MS4A4A: variants seen among roughly 807,000 people sequenced by gnomAD.
The protein encoded by MS4A4A is membrane spanning 4-domains A4A.
A neutral mutation model predicts 28.0 loss-of-function variants in MS4A4A; 26 were observed. That is an observed-to-expected ratio of 0.93 (90% CI 0.68 to 1.29). MS4A4A has a LOEUF of 1.29. MS4A4A is among the 50% of genes most tolerant of loss of function. MS4A4A has a pLI of 0.00. For synonymous variants in MS4A4A, 86 were observed against 100.8 expected, an observed-to-expected ratio of 0.85 and a Z score of 0.88; for missense variants, 290 against 293.1, an observed-to-expected ratio of 0.99 and a Z score of 0.08.
chr11:60,285,159 C>T (rs1227726604), intron 1 of MS4A4A, among the ~76,000 whole-genome samples: 1 of 152,024 alleles, frequency 6.6e-6, no homozygotes, highest in Non-Finnish European at 1.5e-5. Context: ...CTGCAAGTGT[C>T]CTTTCTTGGT....
At chr11:60,281,716 C>G (rs1166722652) in intron 1 of MS4A4A, among the ~76,000 whole-genome samples, 1 of 152,150 alleles carries the variant, frequency 6.6e-6, no homozygotes, top group East Asian at 1.9e-4. Flanking sequence ...AAATAAGAGA[C>G]TGGTGGTGCT....
At chr11:60,292,984 G>A (rs1390156656) in intron 2 of MS4A4A, among the ~76,000 whole-genome samples, 1 of 152,128 alleles carries the variant, frequency 6.6e-6, no homozygotes, top group African/African-American at 2.4e-5. Context: ...ATTTTCTGGA[G>A]GGGGGGAAAT....
At chr11:60,282,951 T>A (rs2084768412) in intron 1 of MS4A4A, among the ~76,000 whole-genome samples, 1 of 152,192 alleles carries the variant, frequency 6.6e-6, no homozygotes, top group South Asian at 2.1e-4. Context: ...ATTCAGAGGC[T>A]ATAATGAATA....
chr11:60,289,035 C>A (rs1322445870), intron 1 of MS4A4A, among the ~76,000 whole-genome samples: 1 of 152,148 alleles, frequency 6.6e-6, no homozygotes, highest in Non-Finnish European at 1.5e-5. Flanking sequence ...AGAGAGTAGA[C>A]AGCAGCAGTT....
chr11:60,298,068 TTAA>T (rs1335008004), intron 3 of MS4A4A, among the ~76,000 whole-genome samples: 8 of 150,750 alleles, frequency 5.3e-5, no homozygotes, highest in African/African-American at 1.5e-4. Flanking sequence ...ATAACTATTA[TTAA>T]TATTACATTA....
At chr11:60,284,439 A>G (rs2084785713) in intron 1 of MS4A4A, among the ~76,000 whole-genome samples, 1 of 152,186 alleles carries the variant, frequency 6.6e-6, no homozygotes, top group South Asian at 2.1e-4. Flanking sequence ...CCCTGCTCCA[A>G]CCTTCTCCGG....
At chr11:60,282,709 G>T (rs774875366) in intron 1 of MS4A4A, 1 of 1,278,238 alleles carries the variant, frequency 7.8e-7, no homozygotes, top group South Asian at 1.3e-5. Flanking sequence ...TATACTTGGA[G>T]CTTTAAAAAT....
In MS4A4A at chr11:60,308,361, C is replaced by T. The variant is rs1249165884; in HGVS notation, c.*183C>T. On this transcript the variant is annotated 3_prime_UTR_variant, in exon 7 of 7. Transcript: ENST00000337908. Reference sequence around the variant, plus strand: ...GAGATAATAAATTCAAAATTATGTTCTCATTTTTTTCCCTGGAACTCAATA... The same window carrying T: ...GAGATAATAAATTCAAAATTATGTTTTCATTTTTTTCCCTGGAACTCAATA... 2 of 530,646 alleles carry T rather than the reference C, an allele frequency of 3.8e-6. No homozygotes were observed. Among genetic ancestry groups the T allele is most frequent in the Non-Finnish European group, 6.4e-6 (2 of 310,706 alleles). The allele number at this position is 530,646 out of a possible 1,614,324, so 32.9% of individuals were successfully genotyped here.
In MS4A4A at chr11:60,295,889, C is replaced by G. The variant is rs201093991; in HGVS notation, c.202-1308C>G. Reference sequence around the variant, plus strand: ...TTGATGCATTGTTAGATTTAGTTTGCAGATATTTTGTTGAGGATTTTTGCA... The same window carrying G: ...TTGATGCATTGTTAGATTTAGTTTGGAGATATTTTGTTGAGGATTTTTGCA... On this transcript the variant is annotated intron_variant, in intron 2 of 6. Transcript: ENST00000337908. Among the ~76,000 whole-genome samples, 6 of 152,120 alleles carry G rather than the reference C, an allele frequency of 3.9e-5. No homozygotes were observed. The East Asian group carries it at 1.2e-3, about 29-fold the overall frequency.
intron 1 of MS4A4A, among the ~76,000 whole-genome samples, chr11:60,285,274 C>A (rs1014313217): frequency 6.6e-6 from 1 of 152,012 alleles, no homozygotes; most frequent in African/African-American, 2.4e-5. Flanking sequence ...GATGCTGAGA[C>A]GGGAAGATCA....
At chr11:60,301,132 A>T in intron 4 of MS4A4A, 75 bp downstream of exon 4, 1 of 1,188,452 alleles carries the variant, frequency 8.4e-7, no homozygotes, top group Middle Eastern at 2.5e-4. Context: ...AGGGTGTAAA[A>T]CAGGTTTTGT....
chr11:60,290,809 T>C (rs2084848804), intron 1 of MS4A4A, among the ~76,000 whole-genome samples: 1 of 152,170 alleles, frequency 6.6e-6, no homozygotes, highest in Non-Finnish European at 1.5e-5. Flanking sequence ...AGATAGCTAA[T>C]AATTTATTTC....
chr11:60,306,335 A>C, intron 6 of MS4A4A, 134 bp downstream of exon 6: 1 of 746,810 alleles, frequency 1.3e-6, no homozygotes, highest in Non-Finnish European at 2.2e-6. Context: ...GTCTGAGCCC[A>C]GCTGAAGTAT....
chr11:60,282,738 A>T (rs1372850690), intron 1 of MS4A4A: 8 of 1,269,644 alleles, frequency 6.3e-6, no homozygotes, highest in Non-Finnish European at 7.1e-6. Context: ...GAGAGATTCG[A>T]GGTAAGACTA....
chr11:60,302,367 C>T (rs1234665693), intron 4 of MS4A4A, among the ~76,000 whole-genome samples, 192 bp from the exon 5 acceptor site: 3 of 152,044 alleles, frequency 2.0e-5, no homozygotes, highest in African/African-American at 2.4e-5. Context: ...ATTGAAGCTG[C>T]GGAATAATGA....
At position 60,301,964 on chromosome 11, in the gene MS4A4A, G is replaced by A. The variant is rs534645181; in HGVS notation, c.388-595G>A. ...CCAGCTAATTTTTGTATTTTTAGTA[G>A]AGATAGGGTTTCTCCATGTTGGTCA... On this transcript the variant is annotated intron_variant, in intron 4 of 6. Coordinates refer to ENST00000337908, the MANE Select transcript of MS4A4A (RefSeq NM_148975.3). Among the ~76,000 whole-genome samples the A allele has an allele frequency of 5.3e-5, 8 of 152,224 alleles. No individual in the cohort carries two copies. The South Asian group carries it at 6.2e-4, about 12-fold the overall frequency.
At position 60,292,362 on chromosome 11, in the gene MS4A4A, A is replaced by T; in HGVS notation, c.179A>T (p.Lys60Met). The T allele has an allele frequency of 6.2e-7, 1 of 1,601,506 alleles. No individual in the cohort carries two copies. Among genetic ancestry groups the T allele is most frequent in the Admixed American group, 1.7e-5 (1 of 57,828 alleles). Residue 60 changes from lysine to methionine, a missense_variant, in exon 2 of 7, where the codon AAG becomes ATG. Lys to Met is a moderately conservative substitution (Grantham distance 95). Transcript: ENST00000337908. Reference sequence around the variant, plus strand: ...AAAGGATTGCAAGAGAAGTTCTTGAAGGGAGAACCCAAAGTCCTTGGGGTA... The same window carrying T: ...AAAGGATTGCAAGAGAAGTTCTTGATGGGAGAACCCAAAGTCCTTGGGGTA... The part of the protein sequence containing the change: ...LWKGLQEKFL[K>M]GEPKVLGVVQ...
At chr11:60,299,859 TA>T (rs2084937056) in intron 3 of MS4A4A, among the ~76,000 whole-genome samples, 1 of 152,106 alleles carries the variant, frequency 6.6e-6, no homozygotes, top group East Asian at 1.9e-4. Flanking sequence ...TGAATAGCAA[TA>T]AGCATGTAAT....
rs192799758 is a variant in MS4A4A, at chr11:60,284,852, C to T, written c.41+4136C>T. ...TTTTGTCTTAAATTTAATTTGTACT[C>T]GCAAATTTTGTTAAACATCAGAGAA... On this transcript the variant is annotated intron_variant, in intron 1 of 6. Coordinates refer to ENST00000337908, the MANE Select transcript of MS4A4A (RefSeq NM_148975.3). Among the ~76,000 whole-genome samples the T allele has an allele frequency of 6.8e-3, 1,039 of 152,180 alleles. 6 individuals carry two copies. Among genetic ancestry groups the T allele is most frequent in the Non-Finnish European group, 9.4e-3 (638 of 68,012 alleles).
Sources: gnomAD v4.1 joint callset for allele counts (sites outside exome capture counted in the v4.1 genomes callset) on GRCh38, gnomAD v4.1.1 for gene constraint, MANE v1.5 for transcripts, NCBI Gene and HGNC (gene_info 2026-07-23, HGNC 2026-07-21) for gene names.